The following MOGAT2 variants were observed in gnomAD, a reference collection of about 807,000 sequenced individuals.
The protein encoded by MOGAT2 is 2-acylglycerol O-acyltransferase 2.
In MOGAT2, 27 loss-of-function variants were observed where a neutral mutation model predicts 31.5. That is an observed-to-expected ratio of 0.86 (90% CI 0.63 to 1.18). The LOEUF is 1.18. Ranked by LOEUF, MOGAT2 falls within the 50% of genes most tolerant of loss-of-function variation. The pLI is 0.00. For synonymous variants in MOGAT2, 163 were observed against 170.0 expected, an observed-to-expected ratio of 0.96 and a Z score of 0.32; for missense variants, 436 against 433.2, an observed-to-expected ratio of 1.01 and a Z score of -0.06.
rs190469233 is a variant in MOGAT2, at chr11:75,731,224, C to A, written c.943C>A (p.Leu315Ile). ...HQRYIKELCN[L>I]FEAHKLKFNI... ...GCGTTATATCAAAGAGCTGTGCAAC[C>A]TCTTCGAGGCCCACAAACTTAAGTT... is the stretch of plus-strand genomic sequence containing the variant. The change falls in exon 6 of 6, where the codon CTC becomes ATC. Residue 315 changes from leucine (L) to isoleucine (I), a missense_variant. Leu to Ile is a conservative substitution (Grantham distance 5, BLOSUM62 2). Transcript: ENST00000198801. 1.2e-6 allele frequency: 2 copies of A among 1,614,170 alleles called. No homozygotes were observed. Among genetic ancestry groups the A allele is most frequent in the Non-Finnish European group, 1.7e-6 (2 of 1,180,028 alleles).
In MOGAT2 at chr11:75,728,817, CG is replaced by C; in HGVS notation, c.682del (p.Glu228ArgfsTer46). 1 of 1,614,216 alleles carries C rather than the reference CG, an allele frequency of 6.2e-7. No individual in the cohort carries two copies. The highest frequency in any genetic ancestry group is 8.5e-7 in the Non-Finnish European group (1 of 1,180,038). ...GAPLVPIFSF[G>X]ENDLFDQIPN... ...CACCCCTGGTGCCAATCTTCTCCTTCGGGGAGAATGACCTATTTGACCAGAT... is the reference window on the plus strand; with the variant it reads ...CACCCCTGGTGCCAATCTTCTCCTTCGGGAGAATGACCTATTTGACCAGAT... On this transcript the variant is annotated frameshift_variant, in exon 5 of 6. Transcript: ENST00000198801. LOFTEE classifies it high-confidence loss of function.
intron 2 of MOGAT2, 131 bp from the exon 3 acceptor site, chr11:75,727,304 A>G (rs1034048735): frequency 1.4e-6 from 1 of 708,228 alleles, no homozygotes. Context: ...GTAAGAACCC[A>G]GGGTGGTCAG....
Position 75,727,567 on chromosome 11 carries a change from A to G in MOGAT2, c.403A>G (p.Ile135Val). The G allele has an allele frequency of 6.2e-7, 1 of 1,614,068 alleles. No individual in the cohort carries two copies. Among genetic ancestry groups the G allele is most frequent in the Non-Finnish European group, 8.5e-7 (1 of 1,180,004 alleles). ...AGGCTTCTCTTCGATCTTCCCCGGT[A>G]TCCGCCCCCATCTGATGATGCTGAC... ...STGFSSIFPG[I>V]RPHLMMLTLW... Residue 135 changes from isoleucine to valine, a missense_variant, in exon 3 of 6, where the codon ATC (isoleucine) becomes GTC (valine). Transcript: ENST00000198801.
chr11:75,730,772 G>A (rs1283659224), intron 5 of MOGAT2, among the ~76,000 whole-genome samples: 1 of 152,046 alleles, frequency 6.6e-6, no homozygotes, highest in Non-Finnish European at 1.5e-5. Context: ...AGCTGGGCAT[G>A]GTGGCGCATG....
At chr11:75,728,671 G>C (rs967452059) in intron 4 of MOGAT2, 119 bp from the exon 5 acceptor site, 2 of 828,814 alleles carry the variant, frequency 2.4e-6, no homozygotes, top group Non-Finnish European at 3.9e-6. Flanking sequence ...CTCCAGCCCA[G>C]GTGGCTGACC....
rs368435356 is a variant in MOGAT2, at chr11:75,728,922, T to C, written c.783T>C (p.Phe261=). 201 of 1,614,086 alleles carry C rather than the reference T, an allele frequency of 1.2e-4. No homozygotes were observed. The highest frequency in any genetic ancestry group is 1.6e-4 in the Non-Finnish European group (186 of 1,180,044). Residue 261 remains phenylalanine, a synonymous_variant, in exon 5 of 6, where the codon TTT becomes TTC. Coordinates refer to ENST00000198801, the MANE Select transcript of MOGAT2 (RefSeq NM_025098.4). ...QKIMGISLPL[F]HGRGVFQYSF... The stretch of plus-strand genomic sequence containing the variant: ...TCATGGGCATCTCCCTCCCACTCTT[T>C]CATGGCCGTGGTGTCTTCCAGTACA...
rs1944438567 is a variant in MOGAT2, at chr11:75,728,050, G to A, written c.556G>A (p.Gly186Arg). The A allele has an allele frequency of 6.2e-7, 1 of 1,614,034 alleles. No individual in the cohort carries two copies. Among genetic ancestry groups the A allele is most frequent in the Non-Finnish European group, 8.5e-7 (1 of 1,179,936 alleles). Residue 186 changes from glycine (G) to arginine (R), a missense_variant, in exon 4 of 6, where the codon GGG becomes AGG. By Grantham distance (125) the Gly-to-Arg change is moderately radical. Coordinates refer to ENST00000198801, the MANE Select transcript of MOGAT2 (RefSeq NM_025098.4). ...CGGAAACTTGCTGGGCATCATTGTA[G>A]GGGGTGCCCAGGAGGCCCTGGATGC... ...GGGNLLGIIV[G>R]GAQEALDARP...
intron 1 of MOGAT2, 76 bp from the exon 2 acceptor site, chr11:75,719,916 C>A (rs1214575059): frequency 4.1e-6 from 6 of 1,466,252 alleles, no homozygotes; most frequent in African/African-American, 1.4e-5. Flanking sequence ...GGCCTATGGG[C>A]AGAGTTCAGT....
intron 2 of MOGAT2, among the ~76,000 whole-genome samples, chr11:75,722,206 G>A (rs1189208423): frequency 1.3e-5 from 2 of 152,192 alleles, no homozygotes; most frequent in Non-Finnish European, 2.9e-5. Context: ...GAGCAGTCAT[G>A]GACGTGTCAG....
In MOGAT2 at chr11:75,718,117, C is replaced by T. The variant is rs549761100; in HGVS notation, c.91+138C>T. 164 of 878,234 alleles carry T rather than the reference C, an allele frequency of 1.9e-4. No individual in the cohort carries two copies. In the Middle Eastern group the frequency reaches 3.3e-3, roughly 17 times the overall value. The allele number at this position is 878,234 out of a possible 1,614,324, so 54.4% of individuals were successfully genotyped here. ...GCTTTGTTGCGCTCAGAGCCCCTGC[C>T]CAGAGAGAACTCCTGGGCCTGCCCA... On this transcript the variant is annotated intron_variant, in intron 1 of 5. Transcript: ENST00000198801.
rs1371720484 is a variant in MOGAT2 at position 75,731,887 on chromosome 11, C to G, written c.*601C>G. The G allele has an allele frequency of 6.6e-6, 1 of 152,530 alleles. No homozygotes were observed. The highest frequency in any genetic ancestry group is 2.4e-5 in the African/African-American group (1 of 41,430). 9.4% of individuals were successfully genotyped at this position (152,530 alleles called of 1,614,324 possible). ...ATTCCCTGTGTGACCATGGTACCAC[C>G]ACTGTGTGTCCCGAGGATCCCAGCT... is the stretch of plus-strand genomic sequence containing the variant. On this transcript the variant is annotated 3_prime_UTR_variant, in exon 6 of 6. Coordinates refer to ENST00000198801, the MANE Select transcript of MOGAT2 (RefSeq NM_025098.4).
chr11:75,719,663 T>TGA (rs1004841703), intron 1 of MOGAT2: 5 of 292,958 alleles, frequency 1.7e-5, no homozygotes, highest in African/African-American at 8.4e-5. Flanking sequence ...GAGCACTTAA[T>TGA]GAGTACAAAC....
At chr11:75,723,460 G>A (rs967571836) in intron 2 of MOGAT2, among the ~76,000 whole-genome samples, 4 of 129,518 alleles carry the variant, frequency 3.1e-5, no homozygotes, top group South Asian at 5.7e-4. Flanking sequence ...CCTCCCACAC[G>A]CCTTTACTGC....
chr11:75,718,060 T>C (rs548096065), intron 1 of MOGAT2, 81 bp downstream of exon 1: 280 of 1,330,070 alleles, frequency 2.1e-4, no homozygotes, highest in African/African-American at 1.6e-3. Flanking sequence ...ACACAGCACA[T>C]TGATGGTGGC....
At chr11:75,729,748 TTTTTG>T (rs1306987941) in intron 5 of MOGAT2, among the ~76,000 whole-genome samples, 1 of 139,474 alleles carries the variant, frequency 7.2e-6, no homozygotes, top group African/African-American at 2.9e-5. Flanking sequence ...TTCTTTTTTT[TTTTTG>T]TTTTTTTTTG....
At chr11:75,724,185 G>A (rs954051998) in intron 2 of MOGAT2, among the ~76,000 whole-genome samples, 1 of 152,164 alleles carries the variant, frequency 6.6e-6, no homozygotes, top group Non-Finnish European at 1.5e-5. Flanking sequence ...TGGGGTCAGG[G>A]AGCCTTCCTT....
intron 2 of MOGAT2, among the ~76,000 whole-genome samples, chr11:75,725,201 C>G (rs757374885): frequency 6.6e-6 from 1 of 152,150 alleles, no homozygotes; most frequent in Non-Finnish European, 1.5e-5. Context: ...CTCCCACTAG[C>G]AGTGAATGAA....
At position 75,731,412 on chromosome 11, in the gene MOGAT2, A is replaced by G. The variant is rs1944478459; in HGVS notation, c.*126A>G. The stretch of plus-strand genomic sequence containing the variant: ...GACTCCTGCAAATCCAACCCATATC[A>G]GGCTGTAAGTCAGAGCAGGCAATGC... On this transcript the variant is annotated 3_prime_UTR_variant, in exon 6 of 6. Coordinates refer to ENST00000198801, the MANE Select transcript of MOGAT2 (RefSeq NM_025098.4). 4 of 1,140,030 alleles carry G rather than the reference A, an allele frequency of 3.5e-6. No individual in the cohort carries two copies. Among genetic ancestry groups the G allele is most frequent in the Non-Finnish European group, 4.9e-6 (4 of 818,366 alleles). The allele number at this position is 1,140,030 out of a possible 1,614,324, so 70.6% of individuals were successfully genotyped here.
At chr11:75,728,190 G>GA (rs1555053654) in intron 4 of MOGAT2, 46 bp downstream of exon 4, 2 of 1,580,508 alleles carry the variant, frequency 1.3e-6, no homozygotes, top group African/African-American at 2.7e-5. Context: ...TTGGCAATTG[G>GA]CAAGGATTTT....
Sources: gnomAD v4.1 joint callset for allele counts (sites outside exome capture counted in the v4.1 genomes callset) on GRCh38, gnomAD v4.1.1 for gene constraint, MANE v1.5 for transcripts, NCBI Gene and HGNC (gene_info 2026-07-23, HGNC 2026-07-21) for gene names.